The following ZNF740 variants were observed in gnomAD, a reference collection of about 807,000 sequenced individuals.
ZNF740 encodes oriLyt TD-element-binding protein 7.
In ZNF740, 14 loss-of-function variants were observed where a neutral mutation model predicts 24.8. The observed-to-expected ratio is 0.56, with a 90% CI of 0.37 to 0.88. ZNF740 has a LOEUF of 0.88. ZNF740 is among the 40% of genes least tolerant of loss of function. The pLI, the probability that ZNF740 is intolerant of heterozygous loss-of-function variation, is 0.00. For synonymous variants in ZNF740, 69 were observed against 84.0 expected, an observed-to-expected ratio of 0.82 and a Z score of 0.98; for missense variants, 201 against 247.9, an observed-to-expected ratio of 0.81 and a Z score of 1.27.
intron 5 of ZNF740, 41 bp from the exon 6 acceptor site, chr12:53,186,347 TGTA>T (rs1941820195): frequency 6.7e-7 from 1 of 1,503,356 alleles, no homozygotes; most frequent in Non-Finnish European, 9.1e-7. Flanking sequence ...AGGTCCCTAC[TGTA>T]CATACCTCCC....
rs1359955938 is a variant in ZNF740 at position 53,194,414 on chromosome 12, T to C, written c.*6824T>C. On this transcript the variant is annotated 3_prime_UTR_variant, in exon 7 of 7. Transcript: ENST00000416904. Reference sequence around the variant, plus strand: ...GACTCCAACCCCACCTTATGTCCTCTCCAGGTGTTCCCAATTCTGCCAGCA... The same window carrying C: ...GACTCCAACCCCACCTTATGTCCTCCCCAGGTGTTCCCAATTCTGCCAGCA... 7 of 1,495,650 alleles carry C rather than the reference T, an allele frequency of 4.7e-6. No homozygotes were observed. Among genetic ancestry groups the C allele is most frequent in the South Asian group, 1.2e-5 (1 of 83,814 alleles). 92.6% of individuals were successfully genotyped at this position (1,495,650 alleles called of 1,614,324 possible). A position where few individuals can be genotyped will look rare whatever the true frequency, so the allele number is the denominator to read the frequency against.
Position 53,192,545 on chromosome 12 carries a change from A to G in ZNF740, c.*4955A>G, listed in dbSNP as rs752687020. 2 of 1,613,144 alleles carry G rather than the reference A, an allele frequency of 1.2e-6. No homozygotes were observed. Among genetic ancestry groups the G allele is most frequent in the South Asian group, 2.2e-5 (2 of 91,074 alleles). ...CCCACACTCTGCACAGTCCCTGTGT[A>G]GTAGATGCCAATAGGTTACCAGCTG... On this transcript the variant is annotated 3_prime_UTR_variant, in exon 7 of 7. Coordinates refer to ENST00000416904, the MANE Select transcript of ZNF740 (RefSeq NM_001004304.4).
Position 53,193,835 on chromosome 12 carries a change from C to T in ZNF740, c.*6245C>T. The T allele has an allele frequency of 6.2e-7, 1 of 1,614,052 alleles. No individual in the cohort carries two copies. Among genetic ancestry groups the T allele is most frequent in the South Asian group, 1.1e-5 (1 of 91,082 alleles). On this transcript the variant is annotated 3_prime_UTR_variant, in exon 7 of 7. Transcript: ENST00000416904. ...ATCAGCTCCTCTGAGAAGCCAAGGG[C>T]CCGGAGCCTCAGGAGATGGGGCTCT...
chr12:53,194,618 TAC>T lies in ZNF740; in HGVS notation c.*7030_*7031del, dbSNP rs1394936845. The T allele has an allele frequency of 5.3e-6, 2 of 377,590 alleles. No individual in the cohort carries two copies. Among genetic ancestry groups the T allele is most frequent in the Non-Finnish European group, 9.9e-6 (2 of 201,300 alleles). 23.4% of individuals were successfully genotyped at this position (377,590 alleles called of 1,614,324 possible). A position where few individuals can be genotyped will look rare whatever the true frequency, so the allele number is the denominator to read the frequency against. Reference sequence around the variant, plus strand: ...ACAGGCTGGCCAGGTGCTGTAAATGTACAGAGACCATGTTTGTGAAGCCCCAC... The same window carrying T: ...ACAGGCTGGCCAGGTGCTGTAAATGTAGAGACCATGTTTGTGAAGCCCCAC... On this transcript the variant is annotated 3_prime_UTR_variant, in exon 7 of 7. Coordinates refer to ENST00000416904, the MANE Select transcript of ZNF740 (RefSeq NM_001004304.4).
rs1347487051 is a variant in ZNF740 at position 53,189,762 on chromosome 12, CT to C, written c.*2174del. On this transcript the variant is annotated 3_prime_UTR_variant, in exon 7 of 7. Coordinates refer to ENST00000416904, the MANE Select transcript of ZNF740 (RefSeq NM_001004304.4). The stretch of plus-strand genomic sequence containing the variant: ...CTGCTGGATCTGGGCTTTTCCTGTC[CT>C]TCACTTCTGGGATGATTCACCCCAC... 6.6e-6 allele frequency: 1 copy of C among 152,190 alleles called. No homozygotes were observed. The highest frequency in any genetic ancestry group is 6.5e-5 in the Admixed American group (1 of 15,274). 9.4% of individuals were successfully genotyped at this position (152,190 alleles called of 1,614,324 possible). A position where few individuals can be genotyped will look rare whatever the true frequency, so the allele number is the denominator to read the frequency against.
Position 53,189,801 on chromosome 12 carries a change from C to T in ZNF740, c.*2211C>T, listed in dbSNP as rs1213164865. ...TGATTCACCCCACATCTTCCAGTAC[C>T]CTGTAAACCATTTTAAAATATTTAG... On this transcript the variant is annotated 3_prime_UTR_variant, in exon 7 of 7. Coordinates refer to ENST00000416904, the MANE Select transcript of ZNF740 (RefSeq NM_001004304.4). 6.6e-6 allele frequency: 1 copy of T among 152,156 alleles called. No homozygotes were observed. The highest frequency in any genetic ancestry group is 1.5e-5 in the Non-Finnish European group (1 of 68,036). 9.4% of individuals were successfully genotyped at this position (152,156 alleles called of 1,614,324 possible).
At chr12:53,183,130 CCTTT>C (rs1190079591) in intron 2 of ZNF740, among the ~76,000 whole-genome samples, 1 of 152,212 alleles carries the variant, frequency 6.6e-6, no homozygotes, top group Non-Finnish European at 1.5e-5. Flanking sequence ...GTTTCTTCTT[CCTTT>C]GTGTTTTGCA....
chr12:53,194,227 G>A lies in ZNF740; in HGVS notation c.*6637G>A. 2 of 1,614,024 alleles carry A rather than the reference G, an allele frequency of 1.2e-6. No homozygotes were observed. Among genetic ancestry groups the A allele is most frequent in the South Asian group, 1.1e-5 (1 of 91,082 alleles). ...TGGTTGATTCGGACGTGGTTGCACTGTCCTCGATCCTCAGCCTTACCCTCC... is the reference window on the plus strand; with the variant it reads ...TGGTTGATTCGGACGTGGTTGCACTATCCTCGATCCTCAGCCTTACCCTCC... On this transcript the variant is annotated 3_prime_UTR_variant, in exon 7 of 7. Coordinates refer to ENST00000416904, the MANE Select transcript of ZNF740 (RefSeq NM_001004304.4).
chr12:53,195,140 T>C lies in ZNF740; in HGVS notation c.*7550T>C. On this transcript the variant is annotated 3_prime_UTR_variant, in exon 7 of 7. Transcript: ENST00000416904. ...AAATAAAAGCTCAGTGATTGAAACT[T>C]TCCTTTCTTGCCCAGAGCAGAGCTC... is the stretch of plus-strand genomic sequence containing the variant. The C allele has an allele frequency of 1.8e-6, 1 of 548,122 alleles. No individual in the cohort carries two copies. Among genetic ancestry groups the C allele is most frequent in the Non-Finnish European group, 3.3e-6 (1 of 305,902 alleles). The allele number at this position is 548,122 out of a possible 1,614,324, so 34.0% of individuals were successfully genotyped here. A position where few individuals can be genotyped will look rare whatever the true frequency, so the allele number is the denominator to read the frequency against.
In ZNF740 at chr12:53,180,816, A is replaced by G; in HGVS notation, c.-329A>G. 7.9e-7 allele frequency: 1 copy of G among 1,271,506 alleles called. No homozygotes were observed. Among genetic ancestry groups the G allele is most frequent in the Non-Finnish European group, 1.0e-6 (1 of 982,110 alleles). The allele number at this position is 1,271,506 out of a possible 1,614,324, so 78.8% of individuals were successfully genotyped here. On this transcript the variant is annotated 5_prime_UTR_variant, in exon 1 of 7. Transcript: ENST00000416904. ...GGAGGCGCCGCGCGGCCAGGGAGCCAGCGGGAGGCCGCGCCTGGCAGGTAG... is the reference window on the plus strand; with the variant it reads ...GGAGGCGCCGCGCGGCCAGGGAGCCGGCGGGAGGCCGCGCCTGGCAGGTAG...
In ZNF740 at chr12:53,185,422, C is replaced by T. The variant is rs1470898797; in HGVS notation, c.195C>T (p.Arg65=). The T allele has an allele frequency of 5.0e-6, 8 of 1,613,852 alleles. No homozygotes were observed. The highest frequency in any genetic ancestry group is 6.8e-6 in the Non-Finnish European group (8 of 1,179,900). ...AAGACAGTGATAAGTCCCGGAGCCG[C>T]AAAGATGATGACAGCTTGTCTGAGG... ...HRKDSDKSRS[R]KDDDSLSEAS... The change falls in exon 4 of 7, where the codon CGC becomes CGT. Residue 65 remains arginine, a synonymous_variant. Coordinates refer to ENST00000416904, the MANE Select transcript of ZNF740 (RefSeq NM_001004304.4).
Position 53,187,633 on chromosome 12 carries a change from C to T in ZNF740, c.*43C>T, listed in dbSNP as rs1941849528. The T allele has an allele frequency of 1.3e-6, 2 of 1,494,812 alleles. No individual in the cohort carries two copies. Among genetic ancestry groups the T allele is most frequent in the Admixed American group, 1.7e-5 (1 of 58,290 alleles). The allele number at this position is 1,494,812 out of a possible 1,614,324, so 92.6% of individuals were successfully genotyped here. On this transcript the variant is annotated 3_prime_UTR_variant, in exon 7 of 7. Coordinates refer to ENST00000416904, the MANE Select transcript of ZNF740 (RefSeq NM_001004304.4). The stretch of plus-strand genomic sequence containing the variant: ...TGGTGGGAGTGATCAGAAGAACCTG[C>T]CGAAGAGCACACCCCCTCTGGTCTG...
Position 53,192,897 on chromosome 12 carries a change from G to A in ZNF740, c.*5307G>A. 2 of 1,614,030 alleles carry A rather than the reference G, an allele frequency of 1.2e-6. No homozygotes were observed. The highest frequency in any genetic ancestry group is 2.2e-5 in the South Asian group (2 of 91,066). On this transcript the variant is annotated 3_prime_UTR_variant, in exon 7 of 7. Transcript: ENST00000416904. Reference sequence around the variant, plus strand: ...CATGACAGTGACATACTCCACATTGGCAGCGACCAAAGCCTGGGGTAGAGC... The same window carrying A: ...CATGACAGTGACATACTCCACATTGACAGCGACCAAAGCCTGGGGTAGAGC...
intron 2 of ZNF740, among the ~76,000 whole-genome samples, chr12:53,183,330 G>T (rs1301888991): frequency 6.6e-6 from 1 of 152,206 alleles, no homozygotes. Flanking sequence ...GGAATAACTT[G>T]CCCAAGATTA....
chr12:53,182,166 G>C, intron 2 of ZNF740, 174 bp downstream of exon 2: 1 of 878,934 alleles, frequency 1.1e-6, no homozygotes, highest in Non-Finnish European at 1.7e-6. Context: ...CCTGCCTTCA[G>C]GGAGCTTCCA....
chr12:53,187,057 A>G (rs917116869), intron 6 of ZNF740, among the ~76,000 whole-genome samples: 2 of 152,232 alleles, frequency 1.3e-5, no homozygotes, highest in Non-Finnish European at 2.9e-5. Flanking sequence ...ATGCATTGCT[A>G]GGTCCCAAGC....
intron 2 of ZNF740, among the ~76,000 whole-genome samples, chr12:53,183,623 A>G (rs55999480): frequency 0.093 from 14,146 of 151,620 alleles, 1,572 homozygotes; most frequent in African/African-American, 0.26. Context: ...TATATGGAGC[A>G]AGGAATGTGA....
At chr12:53,185,155 A>T (rs1941798740) in intron 3 of ZNF740, 115 bp downstream of exon 3, 3 of 1,497,818 alleles carry the variant, frequency 2.0e-6, no homozygotes, top group Non-Finnish European at 2.7e-6. Context: ...GGGCAAGGGG[A>T]TCCAACTGGG....
At position 53,181,698 on chromosome 12, in the gene ZNF740, C is replaced by G; in HGVS notation, c.-286C>G. The G allele has an allele frequency of 4.4e-6, 2 of 456,276 alleles. No individual in the cohort carries two copies. The highest frequency in any genetic ancestry group is 7.3e-6 in the Non-Finnish European group (2 of 274,488). The allele number at this position is 456,276 out of a possible 1,614,324, so 28.3% of individuals were successfully genotyped here. On this transcript the variant is annotated 5_prime_UTR_variant, in exon 2 of 7. Transcript: ENST00000416904. ...TCAGGTTTCTGAAACAGATCGTGAG[C>G]TTCATCAAGAGAATTCAACTGGAAA...
Sources: allele counts gnomAD v4.1 joint callset (sites outside exome capture counted in the v4.1 genomes callset), GRCh38; gene constraint gnomAD v4.1.1; transcripts MANE v1.5; gene names NCBI Gene and HGNC (gene_info 2026-07-23, HGNC 2026-07-21).